The following SYNCRIP variants were observed in gnomAD, a reference collection of about 807,000 sequenced individuals.
SYNCRIP encodes synaptotagmin binding cytoplasmic RNA interacting protein.
In SYNCRIP, 9 loss-of-function variants were observed where a neutral mutation model predicts 68.9. The observed-to-expected ratio is 0.13, with a 90% CI of 0.08 to 0.23. The LOEUF (loss-of-function observed/expected upper bound fraction) is 0.23, where lower values mean the gene tolerates loss of function less well. Among genes scored for constraint, SYNCRIP ranks in the 10% least tolerant of loss-of-function variants. The pLI, the probability that SYNCRIP is intolerant of heterozygous loss-of-function variation, is 1.00. For missense variants in SYNCRIP, 414 were observed against 770.6 expected, an observed-to-expected ratio of 0.54 and a Z score of 5.48; for synonymous variants, 258 against 254.0, an observed-to-expected ratio of 1.02 and a Z score of -0.15.
intron 7 of SYNCRIP, among the ~76,000 whole-genome samples, chr6:85,623,579 A>AAAAAAAAAAAAAAAAAAAAAAAAAAAC (rs1554184894): frequency 7.2e-5 from 9 of 125,866 alleles, no homozygotes; most frequent in Non-Finnish European, 1.4e-4. Flanking sequence ...AAAAAAAAAA[A>AAAAAAAAAAAAAAAAAAAAAAAAAAAC]AAAACACTCT....
At chr6:85,615,589 G>C (rs1335077526) in intron 10 of SYNCRIP, among the ~76,000 whole-genome samples, 2 of 152,148 alleles carry the variant, frequency 1.3e-5, no homozygotes, top group African/African-American at 4.8e-5. Context: ...ATTTCTTCAT[G>C]ATCTTCAAAA....
chr6:85,614,300 T>G lies in SYNCRIP; in HGVS notation c.*456A>C. 4.1e-6 allele frequency: 4 copies of G among 986,262 alleles called. No homozygotes were observed. Among genetic ancestry groups the G allele is most frequent in the South Asian group, 9.4e-5 (2 of 21,292 alleles). The allele number at this position is 986,262 out of a possible 1,614,324, so 61.1% of individuals were successfully genotyped here. ...AATGGTTTTGAAAACCCAAATTAGGTCAAAGTTCTAAATTAAAAATAGCAG... is the reference window on the plus strand; with the variant it reads ...AATGGTTTTGAAAACCCAAATTAGGGCAAAGTTCTAAATTAAAAATAGCAG... On this transcript the variant is annotated 3_prime_UTR_variant, in exon 11 of 11. Transcript: ENST00000369622.
At chr6:85,622,286 T>A (rs1472488908) in intron 8 of SYNCRIP, among the ~76,000 whole-genome samples, 196 bp downstream of exon 8, 1 of 152,034 alleles carries the variant, frequency 6.6e-6, no homozygotes, top group Non-Finnish European at 1.5e-5. Flanking sequence ...GGAGAATCAC[T>A]TGAACCCGGG....
intron 6 of SYNCRIP, among the ~76,000 whole-genome samples, chr6:85,634,578 G>T (rs2758849): frequency 1.3e-5 from 2 of 151,024 alleles, no homozygotes; most frequent in Admixed American, 6.6e-5. Flanking sequence ...ACACTGGTGT[G>T]TTGTTTTTTT....
At chr6:85,641,184 T>G in intron 2 of SYNCRIP, 108 bp downstream of exon 2, 1 of 825,688 alleles carries the variant, frequency 1.2e-6, no homozygotes, top group Non-Finnish European at 1.9e-6. Context: ...CAAGCAAAAC[T>G]CCAGTACCCA....
intron 4 of SYNCRIP, among the ~76,000 whole-genome samples, chr6:85,638,443 A>C (rs1808740779): frequency 6.6e-6 from 1 of 151,586 alleles, no homozygotes; most frequent in Admixed American, 6.6e-5. Flanking sequence ...GGAAAAAGTC[A>C]AGAATTATTC....
At chr6:85,622,242 G>A (rs1806499627) in intron 8 of SYNCRIP, among the ~76,000 whole-genome samples, 1 of 152,068 alleles carries the variant, frequency 6.6e-6, no homozygotes, top group Non-Finnish European at 1.5e-5. Context: ...AGGTGTGGTG[G>A]TGGGAGCCTG....
intron 7 of SYNCRIP, among the ~76,000 whole-genome samples, 157 bp downstream of exon 7, chr6:85,623,820 C>G (rs759277905): frequency 1.3e-5 from 2 of 151,964 alleles, no homozygotes; most frequent in Non-Finnish European, 2.9e-5. Flanking sequence ...AATGCCTGTT[C>G]TTCTTATCTG....
At chr6:85,630,493 T>C (rs1807616307) in intron 6 of SYNCRIP, among the ~76,000 whole-genome samples, 2 of 152,256 alleles carry the variant, frequency 1.3e-5, no homozygotes, top group Admixed American at 1.3e-4. Context: ...AATTGCAGCA[T>C]CACCAGCCTT....
At chr6:85,642,126 G>A (rs758026585) in intron 1 of SYNCRIP, among the ~76,000 whole-genome samples, 1 of 152,168 alleles carries the variant, frequency 6.6e-6, no homozygotes, top group Non-Finnish European at 1.5e-5. Context: ...CGAAGCCGCG[G>A]TCGGAGCCCC....
At chr6:85,629,934 A>G (rs989182762) in intron 6 of SYNCRIP, among the ~76,000 whole-genome samples, 4 of 151,522 alleles carry the variant, frequency 2.6e-5, no homozygotes, top group Non-Finnish European at 5.9e-5. Flanking sequence ...CAGTGAGCTG[A>G]GATAGCGCCG....
intron 6 of SYNCRIP, among the ~76,000 whole-genome samples, chr6:85,635,626 C>T (rs946089707): frequency 6.6e-6 from 1 of 151,634 alleles, no homozygotes; most frequent in African/African-American, 2.4e-5. Flanking sequence ...AAAATTTAGC[C>T]AGGTGTGGTG....
At chr6:85,636,419 C>A (rs1456976137) in intron 6 of SYNCRIP, among the ~76,000 whole-genome samples, 2 of 148,670 alleles carry the variant, frequency 1.3e-5, no homozygotes, top group Non-Finnish European at 3.0e-5. Context: ...TCAGCCTGGG[C>A]AAGAGAGAGA....
At chr6:85,623,838 G>A (rs1353632219) in intron 7 of SYNCRIP, 139 bp downstream of exon 7, 4 of 1,001,624 alleles carry the variant, frequency 4.0e-6, no homozygotes, top group Non-Finnish European at 2.9e-6. Flanking sequence ...CTGAAAAATG[G>A]GGTTACCTAC....
chr6:85,619,085 G>A, intron 9 of SYNCRIP, 146 bp from the exon 10 acceptor site: 2 of 1,168,016 alleles, frequency 1.7e-6, no homozygotes, highest in East Asian at 2.5e-5. Context: ...TAAAGATGCA[G>A]ATATTCAATT....
intron 8 of SYNCRIP, among the ~76,000 whole-genome samples, chr6:85,621,705 C>T (rs952047282): frequency 2.6e-5 from 4 of 151,636 alleles, no homozygotes; most frequent in Admixed American, 2.6e-4. Context: ...GATGTTTATT[C>T]TTATACAATG....
intron 3 of SYNCRIP, 58 bp from the exon 4 acceptor site, chr6:85,640,386 T>G: frequency 6.3e-7 from 1 of 1,585,182 alleles, no homozygotes; most frequent in Non-Finnish European, 8.6e-7. Flanking sequence ...CTAATAAAAT[T>G]CAGCAGATAG....
At chr6:85,608,988 T>C (rs931035188), downstream of SYNCRIP, 3 of 151,972 alleles carry the variant, frequency 2.0e-5, no homozygotes, top group African/African-American at 7.2e-5. Flanking sequence ...GCATGCCCTA[T>C]TGAGTGGTAT....
In SYNCRIP at chr6:85,641,462, G is replaced by A. The variant is rs759101984; in HGVS notation, c.-12-11C>T. The A allele has an allele frequency of 8.1e-6, 13 of 1,596,234 alleles. No homozygotes were observed. Among genetic ancestry groups the A allele is most frequent in the African/African-American group, 1.3e-5 (1 of 74,102 alleles). On this transcript the variant is annotated splice_polypyrimidine_tract_variant and intron_variant, in intron 1 of 10. Transcript: ENST00000369622. ...CATGTTTCCAGAGATCTGTTCAAACGCAATAAGCAAAATTAAACTAGGATC... is the reference window on the plus strand; with the variant it reads ...CATGTTTCCAGAGATCTGTTCAAACACAATAAGCAAAATTAAACTAGGATC...
Sources: allele counts gnomAD v4.1 joint callset (sites outside exome capture counted in the v4.1 genomes callset), GRCh38; gene constraint gnomAD v4.1.1; transcripts MANE v1.5; gene names NCBI Gene and HGNC (gene_info 2026-07-23, HGNC 2026-07-21).